Variants in USP45 observed in about 807,000 individuals in gnomAD.
USP45 encodes ubiquitin specific peptidase 45.
In USP45, 89 loss-of-function variants were observed where a neutral mutation model predicts 95.8. The observed-to-expected ratio is 0.93, with a 90% confidence interval of 0.78 to 1.11. USP45 has a LOEUF of 1.11. Ranked by LOEUF, USP45 falls within the 50% of genes least tolerant of loss-of-function variation. The pLI, the probability that USP45 is intolerant of heterozygous loss-of-function variation, is 0.00. For missense variants in USP45, 898 were observed against 942.5 expected (o/e 0.95, Z 0.62); for synonymous variants, 281 against 316.2 (o/e 0.89, Z 1.18).
At chr6:99,449,501 CACCCAATACA>C (rs1783363680) in intron 13 of USP45, among the ~76,000 whole-genome samples, 4 of 151,774 alleles carry the variant, frequency 2.6e-5, no homozygotes, top group Non-Finnish European at 4.4e-5. Flanking sequence ...AATACAGGAG[CACCCAATACA>C]GGAGCACCCA....
At chr6:99,439,960 A>G (rs544726225) in intron 15 of USP45, 105 bp from the exon 16 acceptor site, 439 of 772,864 alleles carry the variant, frequency 5.7e-4, no homozygotes, top group Non-Finnish European at 8.3e-4. Flanking sequence ...TTTTTCATAG[A>G]TAAAAAATGT....
At chr6:99,451,922 A>C (rs577928048) in intron 13 of USP45, among the ~76,000 whole-genome samples, 1 of 152,198 alleles carries the variant, frequency 6.6e-6, no homozygotes, top group Non-Finnish European at 1.5e-5. Context: ...AAAAACAAGC[A>C]ATGGGGAAAG....
Position 99,433,925 on chromosome 6 carries a change from T to C in USP45, c.*1791A>G, listed in dbSNP as rs1179614126. The C allele has an allele frequency of 6.6e-6, 1 of 152,198 alleles. No homozygotes were observed. Among genetic ancestry groups the C allele is most frequent in the Non-Finnish European group, 1.5e-5 (1 of 68,024 alleles). 9.4% of individuals were successfully genotyped at this position (152,198 alleles called of 1,614,324 possible). On this transcript the variant is annotated 3_prime_UTR_variant, in exon 18 of 18. Transcript: ENST00000500704. ...GCAGTGGGGGGATGAAAACTGCTCT[T>C]ACCAAGATGGCTGACTTGAATAAAG... is the stretch of plus-strand genomic sequence containing the variant.
chr6:99,493,748 C>G (rs1327001877), intron 5 of USP45, among the ~76,000 whole-genome samples: 1 of 152,168 alleles, frequency 6.6e-6, no homozygotes, highest in East Asian at 1.9e-4. Flanking sequence ...ATCCACCTGC[C>G]TGGACCTCCC....
chr6:99,456,900 A>G (rs535111716), intron 13 of USP45, among the ~76,000 whole-genome samples: 3 of 152,366 alleles, frequency 2.0e-5, no homozygotes, highest in Non-Finnish European at 4.4e-5. Context: ...TGGGAGAAAT[A>G]TCGCTGAATT....
intron 8 of USP45, among the ~76,000 whole-genome samples, chr6:99,478,220 G>GTTTTT (rs71021740): frequency 2.0e-5 from 2 of 99,454 alleles, no homozygotes; most frequent in African/African-American, 7.3e-5. Flanking sequence ...ACTTAGATTT[G>GTTTTT]TTTTTTTTTT....
chr6:99,476,417 G>GC (rs1790883262), intron 8 of USP45, among the ~76,000 whole-genome samples, 187 bp from the exon 9 acceptor site: 1 of 152,104 alleles, frequency 6.6e-6, no homozygotes, highest in South Asian at 2.1e-4. Flanking sequence ...ACCAGCCTGG[G>GC]CAACAAGGCA....
At chr6:99,511,845 G>GTATATATA (rs751350306) in intron 1 of USP45, among the ~76,000 whole-genome samples, 333 of 22,544 alleles carry the variant, frequency 0.015, 1 homozygote, top group Non-Finnish European at 0.017. Context: ...GTGAGTGTGT[G>GTATATATA]TATATATATA....
chr6:99,492,298 T>G (rs1032671284), intron 5 of USP45, among the ~76,000 whole-genome samples: 1 of 152,198 alleles, frequency 6.6e-6, no homozygotes, highest in African/African-American at 2.4e-5. Context: ...TCTCCATGCA[T>G]AGCCACCAAA....
chr6:99,466,463 A>G (rs1788000710), intron 11 of USP45, among the ~76,000 whole-genome samples: 1 of 152,252 alleles, frequency 6.6e-6, no homozygotes, highest in African/African-American at 2.4e-5. Flanking sequence ...GAGGAAAAAT[A>G]ACACAAAAAT....
chr6:99,439,634 G>T, intron 16 of USP45, 135 bp downstream of exon 16: 2 of 540,688 alleles, frequency 3.7e-6, no homozygotes, highest in Non-Finnish European at 6.0e-6. Flanking sequence ...ACATATTACT[G>T]ACTTAATCAC....
At chr6:99,487,668 G>A (rs1020803289) in intron 7 of USP45, among the ~76,000 whole-genome samples, 20 of 147,556 alleles carry the variant, frequency 1.4e-4, no homozygotes, top group Admixed American at 3.4e-4. Context: ...TTAGCCGGGC[G>A]CCTATAGTCC....
intron 13 of USP45, among the ~76,000 whole-genome samples, chr6:99,449,773 G>A (rs1783436053): frequency 6.6e-6 from 1 of 152,136 alleles, no homozygotes; most frequent in Admixed American, 6.6e-5. Context: ...TGACCACACA[G>A]TTGGAAGTCA....
chr6:99,511,884 T>C (rs181675943), intron 1 of USP45, among the ~76,000 whole-genome samples: 17,978 of 142,930 alleles, frequency 0.13, 1,398 homozygotes, highest in African/African-American at 0.16. Context: ...TATATATATA[T>C]ATACACATAG....
intron 9 of USP45, among the ~76,000 whole-genome samples, chr6:99,474,526 C>T (rs1790322517): frequency 6.6e-6 from 1 of 152,168 alleles, no homozygotes; most frequent in South Asian, 2.1e-4. Context: ...GAAGGTCCAT[C>T]TTGCCTAGCA....
intron 15 of USP45, among the ~76,000 whole-genome samples, chr6:99,440,525 CT>C (rs1438732913): frequency 6.6e-6 from 1 of 152,018 alleles, no homozygotes; most frequent in Non-Finnish European, 1.5e-5. Context: ...GAAATGGACT[CT>C]GTTGGAATGA....
intron 10 of USP45, among the ~76,000 whole-genome samples, chr6:99,467,707 A>G (rs753672848): frequency 6.6e-6 from 1 of 152,124 alleles, no homozygotes; most frequent in Non-Finnish European, 1.5e-5. Flanking sequence ...CATCCACGAG[A>G]TGGCACTATC....
chr6:99,454,716 A>C (rs535278893), intron 13 of USP45, among the ~76,000 whole-genome samples: 48 of 152,212 alleles, frequency 3.2e-4, no homozygotes, highest in Non-Finnish European at 5.9e-4. Flanking sequence ...ACAAATAATA[A>C]GATGCCTTCA....
intron 13 of USP45, among the ~76,000 whole-genome samples, chr6:99,449,632 A>C (rs924529686): frequency 3.6e-5 from 5 of 139,036 alleles, no homozygotes; most frequent in African/African-American, 1.3e-4. Flanking sequence ...AATGAGACAG[A>C]AAGTTAACAA....
Sources: gnomAD v4.1 joint callset for allele counts (sites outside exome capture counted in the v4.1 genomes callset) on GRCh38, gnomAD v4.1.1 for gene constraint, MANE v1.5 for transcripts, NCBI Gene and HGNC (gene_info 2026-07-23, HGNC 2026-07-21) for gene names.